Variants in HPSE2 observed in about 807,000 individuals in gnomAD.
HPSE2 encodes the protein inactive heparanase-2.
In HPSE2, 38 loss-of-function variants were observed where a neutral mutation model predicts 60.5. The observed-to-expected ratio is 0.63, with a 90% CI of 0.48 to 0.82. The LOEUF is 0.82. HPSE2 is among the 40% of genes least tolerant of loss of function. The probability of loss-of-function intolerance (pLI) is 0.00; values close to 1 mark genes in which losing one functional copy is unlikely to be tolerated. For missense variants in HPSE2, 713 were observed against 740.4 expected, an observed-to-expected ratio of 0.96 and a Z score of 0.43; for synonymous variants, 295 against 293.2, an observed-to-expected ratio of 1.01 and a Z score of -0.06.
At chr10:98,684,186 C>A (rs1947853687) in intron 6 of HPSE2, among the ~76,000 whole-genome samples, 1 of 152,014 alleles carries the variant, frequency 6.6e-6, no homozygotes, top group Non-Finnish European at 1.5e-5. Context: ...CAAAAAGAAT[C>A]CCCAGGATAA....
the HPSE2 span, among the ~76,000 whole-genome samples, chr10:99,269,013 G>C: frequency 6.6e-6 from 1 of 152,016 alleles, no homozygotes; most frequent in East Asian, 1.9e-4. Flanking sequence ...ACAAAAATTA[G>C]CTGGGCATGG....
intron 3 of HPSE2, among the ~76,000 whole-genome samples, chr10:99,019,875 C>T (rs531969940): frequency 6.6e-6 from 1 of 152,020 alleles, no homozygotes; most frequent in East Asian, 1.9e-4. Flanking sequence ...CCATGCCTGG[C>T]TAATTTTTGT....
At chr10:99,163,542 G>C (rs1438015891) in intron 2 of HPSE2, among the ~76,000 whole-genome samples, 1 of 152,034 alleles carries the variant, frequency 6.6e-6, no homozygotes, top group Non-Finnish European at 1.5e-5. Flanking sequence ...ACATACATTG[G>C]TTTATATTTT....
chr10:98,839,293 TGA>T (rs1172863188), intron 3 of HPSE2, among the ~76,000 whole-genome samples: 4 of 152,330 alleles, frequency 2.6e-5, no homozygotes, highest in Non-Finnish European at 5.9e-5. Context: ...ATATTGGCTA[TGA>T]GGCTCTGAAC....
intron 2 of HPSE2, among the ~76,000 whole-genome samples, chr10:99,163,510 G>A (rs1033468026): frequency 6.6e-6 from 1 of 152,002 alleles, no homozygotes; most frequent in Non-Finnish European, 1.5e-5. Flanking sequence ...ACATGTATGG[G>A]CTTTCATCAT....
chr10:98,630,924 C>G (rs1946351687), intron 7 of HPSE2, among the ~76,000 whole-genome samples: 1 of 152,078 alleles, frequency 6.6e-6, no homozygotes, highest in Admixed American at 6.6e-5. Context: ...TTGAGGAGAC[C>G]CACAACTTCT....
intron 10 of HPSE2, among the ~76,000 whole-genome samples, chr10:98,487,692 T>G (rs1309896311): frequency 6.6e-6 from 1 of 152,260 alleles, no homozygotes; most frequent in Non-Finnish European, 1.5e-5. Flanking sequence ...CCCCAATCCC[T>G]GTTTTGACCT....
chr10:98,629,920 A>G (rs1175741978), intron 7 of HPSE2, among the ~76,000 whole-genome samples: 3 of 152,182 alleles, frequency 2.0e-5, no homozygotes, highest in Non-Finnish European at 2.9e-5. Context: ...TTAACTGGGG[A>G]AAAAAAGCTA....
intron 3 of HPSE2, among the ~76,000 whole-genome samples, chr10:98,933,698 C>T (rs1201038589): frequency 7.0e-6 from 1 of 142,774 alleles, no homozygotes; most frequent in East Asian, 2.0e-4. Flanking sequence ...AACACTTTAA[C>T]ATTATGTAAT....
chr10:98,991,921 A>G (rs1009924340), intron 3 of HPSE2, among the ~76,000 whole-genome samples: 13 of 152,190 alleles, frequency 8.5e-5, no homozygotes, highest in Non-Finnish European at 1.3e-4. Flanking sequence ...CACTGTCTCC[A>G]AAACCCTCCC....
At position 98,694,488 on chromosome 10, in the gene HPSE2, C is replaced by T. The variant is rs532321599; in HGVS notation, c.957-541G>A. ...TGTCTCAGTGTAGAAAGTTGAGCAG[C>T]ACAAAGAGAAATCTATCATCTACTT... On this transcript the variant is annotated intron_variant, in intron 5 of 11. Transcript: ENST00000370552. Among the ~76,000 whole-genome samples, 228 of 152,278 alleles carry T rather than the reference C, an allele frequency of 1.5e-3. 1 individual carries two copies. Among genetic ancestry groups the T allele is most frequent in the Middle Eastern group, 3.4e-3 (1 of 294 alleles).
chr10:99,021,592 A>C (rs1354310536), intron 3 of HPSE2, among the ~76,000 whole-genome samples: 2 of 152,208 alleles, frequency 1.3e-5, no homozygotes, highest in Non-Finnish European at 2.9e-5. Context: ...ACATAAATGT[A>C]ATACATAAAA....
At chr10:98,625,975 G>A (rs951047423) in intron 7 of HPSE2, among the ~76,000 whole-genome samples, 5 of 151,948 alleles carry the variant, frequency 3.3e-5, no homozygotes, top group African/African-American at 1.2e-4. Flanking sequence ...GTGTGGTGGC[G>A]GGTGCCTGTA....
intron 2 of HPSE2, among the ~76,000 whole-genome samples, chr10:99,179,749 A>AG (rs1370709886): frequency 2.9e-5 from 1 of 34,680 alleles, no homozygotes; most frequent in Non-Finnish European, 1.2e-4. Context: ...ACAGAATGAG[A>AG]AAAAAAAAAA....
At chr10:99,005,425 T>C (rs1956869253) in intron 3 of HPSE2, among the ~76,000 whole-genome samples, 1 of 152,164 alleles carries the variant, frequency 6.6e-6, no homozygotes, top group South Asian at 2.1e-4. Flanking sequence ...GCTTGATCAA[T>C]GCTGCTACTG....
intron 3 of HPSE2, among the ~76,000 whole-genome samples, chr10:98,806,010 A>G (rs1257144393): frequency 6.6e-6 from 1 of 152,226 alleles, no homozygotes; most frequent in Admixed American, 6.5e-5. Flanking sequence ...GCTCTGCAAC[A>G]TGAATTTAAA....
intron 2 of HPSE2, among the ~76,000 whole-genome samples, chr10:99,215,474 G>A (rs574164903): frequency 2.0e-5 from 3 of 152,164 alleles, no homozygotes; most frequent in Non-Finnish European, 4.4e-5. Flanking sequence ...GGGTAGGGGG[G>A]CGAAAGGAGG....
chr10:99,309,397 G>A, the HPSE2 span, among the ~76,000 whole-genome samples: 1 of 152,108 alleles, frequency 6.6e-6, no homozygotes, highest in African/African-American at 2.4e-5. Context: ...CTTCACAAAA[G>A]AGTACAACTA....
chr10:98,886,891 T>C (rs1205783841), intron 3 of HPSE2, among the ~76,000 whole-genome samples: 3 of 152,104 alleles, frequency 2.0e-5, no homozygotes, highest in South Asian at 4.1e-4. Context: ...GGTCTGGCAT[T>C]TCAATGGTAT....
Sources: allele counts gnomAD v4.1 joint callset (sites outside exome capture counted in the v4.1 genomes callset), GRCh38; gene constraint gnomAD v4.1.1; transcripts MANE v1.5; gene names NCBI Gene and HGNC (gene_info 2026-07-23, HGNC 2026-07-21).